RBM20: variants seen among roughly 807,000 people sequenced by gnomAD.
RBM20 encodes the protein RNA-binding protein 20.
RBM20 carries 51 observed loss-of-function variants against 110.1 expected under a neutral mutation model. The ratio of observed to expected loss-of-function variants is 0.46; its 90% CI spans 0.37 to 0.59. The LOEUF is 0.59. Among genes scored for constraint, RBM20 ranks in the 20% least tolerant of loss-of-function variants. The pLI is 0.00. For missense variants in RBM20, 1,512 were observed against 1,574.9 expected (o/e 0.96, Z 0.68); for synonymous variants, 589 against 618.2 (o/e 0.95, Z 0.70).
chr10:110,650,555 C>G (rs996229568), intron 1 of RBM20, among the ~76,000 whole-genome samples: 6 of 152,160 alleles, frequency 3.9e-5, no homozygotes, highest in African/African-American at 1.4e-4. Context: ...ATAGTTTCCA[C>G]GCCAATTTTG....
rs1554842826 is a variant in RBM20, at chr10:110,812,954, A to G, written c.2550+7A>G. 6.9e-7 allele frequency: 1 copy of G among 1,442,710 alleles called. No individual in the cohort carries two copies. Among genetic ancestry groups the G allele is most frequent in the African/African-American group, 1.4e-5 (1 of 69,672 alleles). 89.4% of individuals were successfully genotyped at this position (1,442,710 alleles called of 1,614,324 possible). On this transcript the variant is annotated splice_region_variant and intron_variant, in intron 9 of 13. Coordinates refer to ENST00000369519, the MANE Select transcript of RBM20 (RefSeq NM_001134363.3). The stretch of plus-strand genomic sequence containing the variant: ...CACAATGGCAGAGAATGAGGTAATG[A>G]TCAATTTCTTCCCCAGGTAAGGCGA...
chr10:110,697,929 A>T, intron 1 of RBM20, among the ~76,000 whole-genome samples: 1 of 141,296 alleles, frequency 7.1e-6, no homozygotes, highest in South Asian at 2.2e-4. Flanking sequence ...TTTTTTTGAG[A>T]CTGAGTCTCA....
intron 1 of RBM20, among the ~76,000 whole-genome samples, chr10:110,752,764 TC>T (rs1161411941): frequency 4.6e-5 from 7 of 151,932 alleles, no homozygotes; most frequent in African/African-American, 1.7e-4. Context: ...CCAGAAGCCC[TC>T]GAGGGTCCCT....
At chr10:110,712,499 G>C (rs758472543) in intron 1 of RBM20, among the ~76,000 whole-genome samples, 6 of 152,186 alleles carry the variant, frequency 3.9e-5, no homozygotes, top group African/African-American at 1.2e-4. Flanking sequence ...GGGTGCGGTG[G>C]CTCACCCCTG....
intron 1 of RBM20, among the ~76,000 whole-genome samples, chr10:110,771,124 C>T (rs1357405957): frequency 6.6e-6 from 1 of 152,148 alleles, no homozygotes; most frequent in Non-Finnish European, 1.5e-5. Context: ...ATACATGGAG[C>T]AGGCATGTCC....
At chr10:110,745,512 C>G (rs1843769442) in intron 1 of RBM20, among the ~76,000 whole-genome samples, 2 of 152,194 alleles carry the variant, frequency 1.3e-5, no homozygotes, top group South Asian at 4.1e-4. Flanking sequence ...GATAAATTCT[C>G]TGGATTAAAT....
chr10:110,730,776 G>A (rs189604525), intron 1 of RBM20, among the ~76,000 whole-genome samples: 123 of 152,296 alleles, frequency 8.1e-4, no homozygotes, highest in Non-Finnish European at 1.6e-3. Context: ...TCCTTCCTTT[G>A]TGTTTCCCAA....
intron 12 of RBM20, among the ~76,000 whole-genome samples, chr10:110,830,415 T>A (rs987262588): frequency 6.6e-6 from 1 of 152,112 alleles, no homozygotes; most frequent in African/African-American, 2.4e-5. Flanking sequence ...ATGTAAAGAC[T>A]AGAGGAAGTG....
At chr10:110,671,262 C>A (rs570798660) in intron 1 of RBM20, among the ~76,000 whole-genome samples, 37 of 152,216 alleles carry the variant, frequency 2.4e-4, no homozygotes, top group Non-Finnish European at 4.8e-4. Context: ...CTTATCAATA[C>A]TATAGTAATG....
intron 1 of RBM20, among the ~76,000 whole-genome samples, chr10:110,763,789 CT>C (rs1185846014): frequency 2.8e-5 from 2 of 70,228 alleles, no homozygotes; most frequent in Admixed American, 2.1e-4. Context: ...ATTGTACTTT[CT>C]GCAAGACTGG....
rs754268847 is a variant in RBM20 at position 110,781,586 on chromosome 10, C to T, written c.977C>T (p.Ser326Leu). 13 of 1,551,538 alleles carry T rather than the reference C, an allele frequency of 8.4e-6. No homozygotes were observed. The highest frequency in any genetic ancestry group is 2.4e-5 in the East Asian group (1 of 40,938). Residue 326 changes from serine to leucine, a missense_variant, in exon 2 of 14, where the codon TCG becomes TTG. Physicochemically the swap from Ser to Leu is moderately radical, Grantham distance 145. Around this residue, in one of 3 missense-constraint regions of RBM20, gnomAD observed 1,149 missense variants for 1,169.4 expected, o/e 0.98. Coordinates refer to ENST00000369519, the MANE Select transcript of RBM20 (RefSeq NM_001134363.3). ...NSQWESPHGF[S>L]GQSKPDLTAG... ...CAATGGGAGAGCCCCCATGGATTCTCGGGCCAAAGCAAGCCTGATCTCACA... is the reference window on the plus strand; with the variant it reads ...CAATGGGAGAGCCCCCATGGATTCTTGGGCCAAAGCAAGCCTGATCTCACA...
At chr10:110,682,976 A>C (rs1862444913) in intron 1 of RBM20, among the ~76,000 whole-genome samples, 1 of 151,948 alleles carries the variant, frequency 6.6e-6, no homozygotes, top group Non-Finnish European at 1.5e-5. Flanking sequence ...TCGCTTGTTT[A>C]TTTATCAAGT....
At chr10:110,753,297 C>T (rs555731967) in intron 1 of RBM20, among the ~76,000 whole-genome samples, 2 of 152,242 alleles carry the variant, frequency 1.3e-5, no homozygotes, top group Admixed American at 1.3e-4. Context: ...TAGAGTAACT[C>T]AAGGTCCTTG....
chr10:110,833,518 T>C (rs1845084888), intron 13 of RBM20, among the ~76,000 whole-genome samples: 2 of 152,182 alleles, frequency 1.3e-5, no homozygotes, highest in Admixed American at 6.5e-5. Context: ...ATAGTCGATG[T>C]GAGAACCTTT....
At chr10:110,808,581 T>C (rs1844724309) in intron 7 of RBM20, among the ~76,000 whole-genome samples, 1 of 152,194 alleles carries the variant, frequency 6.6e-6, no homozygotes, top group Admixed American at 6.5e-5. Flanking sequence ...CTCTGACTTA[T>C]TCACAAGCAC....
rs144606002 is a variant in RBM20, at chr10:110,802,217, A to C, written c.1800+2299A>C. Among the ~76,000 whole-genome samples the C allele has an allele frequency of 2.0e-5, 3 of 152,260 alleles. No individual in the cohort carries two copies. The East Asian group carries it at 5.8e-4, about 29-fold the overall frequency. ...AATCCACCTTCAAGGTTGAAGTTAG[A>C]AGACAAAGGCTTAGTGGATGTTTCT... On this transcript the variant is annotated intron_variant, in intron 7 of 13. Transcript: ENST00000369519.
chr10:110,810,402 C>G lies in RBM20; in HGVS notation c.1820C>G (p.Ala607Gly). The change falls in exon 8 of 14, where the codon GCT becomes GGT. Residue 607 changes from alanine (A) to glycine (G), a missense_variant. Coordinates refer to ENST00000369519, the MANE Select transcript of RBM20 (RefSeq NM_001134363.3). ...TGCTAGAAACCCGGGAAGGCCGTGG[C>G]TGCCATCATCCAGGACATCCATTCC... Reference protein sequence around the residue: ...LQLKKPGKAVAAIIQDIHSQR... With the variant: ...LQLKKPGKAVGAIIQDIHSQR... 7 of 1,551,574 alleles carry G rather than the reference C, an allele frequency of 4.5e-6. No homozygotes were observed. Among genetic ancestry groups the G allele is most frequent in the Non-Finnish European group, 6.1e-6 (7 of 1,146,902 alleles).
rs60871091 is a variant in RBM20, at chr10:110,829,918, C to T, written c.3452-1143C>T. Among the ~76,000 whole-genome samples the T allele has an allele frequency of 4.3e-4, 66 of 152,330 alleles. No homozygotes were observed. The East Asian group carries it at 8.9e-3, about 20-fold the overall frequency. The stretch of plus-strand genomic sequence containing the variant: ...GCCCCAGCAGAAGAGAGGCTTGCCC[C>T]GCAGCCTGCAAGTGGGATTGGGTGT... On this transcript the variant is annotated intron_variant, in intron 12 of 13. Transcript: ENST00000369519.
intron 1 of RBM20, among the ~76,000 whole-genome samples, chr10:110,658,248 G>C (rs1862053031): frequency 6.6e-6 from 1 of 152,222 alleles, no homozygotes; most frequent in South Asian, 2.1e-4. Context: ...TATTAGAGCA[G>C]TTCGGTGGAG....
Sources: gnomAD v4.1 joint callset for allele counts (sites outside exome capture counted in the v4.1 genomes callset) on GRCh38, gnomAD v4.1.1 for gene constraint, gnomAD v4.1.1 regional missense constraint, MANE v1.5 for transcripts, NCBI Gene and HGNC (gene_info 2026-07-23, HGNC 2026-07-21) for gene names.